The following BDP1 variants were observed in gnomAD, a reference collection of about 807,000 sequenced individuals.
BDP1 encodes transcription factor TFIIIB component B'' homolog.
A neutral mutation model predicts 266.6 loss-of-function variants in BDP1; 169 were observed. The ratio of observed to expected loss-of-function variants is 0.63; its 90% CI spans 0.56 to 0.72. The LOEUF (loss-of-function observed/expected upper bound fraction) is 0.72. BDP1 is among the 30% of genes least tolerant of loss of function. The pLI is 0.00. For synonymous variants in BDP1, 1,090 were observed against 1,022.4 expected (o/e 1.07, Z -1.26); for missense variants, 3,015 against 3,053.8 (o/e 0.99, Z 0.30).
chr5:71,482,973 CTT>C (rs1018356384), intron 7 of BDP1, among the ~76,000 whole-genome samples: 1 of 152,150 alleles, frequency 6.6e-6, no homozygotes, highest in African/African-American at 2.4e-5. Flanking sequence ...AGAATACACA[CTT>C]GGGTCATAAA....
chr5:71,516,348 G>C, intron 21 of BDP1, 77 bp downstream of exon 21: 1 of 1,075,360 alleles, frequency 9.3e-7, no homozygotes, highest in South Asian at 1.5e-5. Flanking sequence ...ACATAGCTTA[G>C]AAATACAGGC....
At chr5:71,528,033 C>A (rs1424480924) in intron 25 of BDP1, among the ~76,000 whole-genome samples, 1 of 152,092 alleles carries the variant, frequency 6.6e-6, no homozygotes, top group Non-Finnish European at 1.5e-5. Context: ...GTTGGCCAGG[C>A]TGGTCTCAAA....
intron 38 of BDP1, 65 bp downstream of exon 38, chr5:71,562,585 G>A: frequency 6.5e-7 from 1 of 1,542,198 alleles, no homozygotes; most frequent in Non-Finnish European, 8.8e-7. Flanking sequence ...TTCAACTAGG[G>A]AAAACATAGT....
At chr5:71,479,784 G>T (rs1218600869) in intron 7 of BDP1, among the ~76,000 whole-genome samples, 1 of 152,096 alleles carries the variant, frequency 6.6e-6, no homozygotes, top group Non-Finnish European at 1.5e-5. Context: ...CTGACCTCGT[G>T]ATCTGCCTGC....
intron 26 of BDP1, among the ~76,000 whole-genome samples, chr5:71,536,224 C>T (rs561360555): frequency 2.6e-5 from 4 of 151,804 alleles, no homozygotes; most frequent in Non-Finnish European, 5.9e-5. Flanking sequence ...ACATTTATAC[C>T]GAAAATCTAA....
At chr5:71,460,108 A>G (rs563261649) in intron 2 of BDP1, among the ~76,000 whole-genome samples, 39 of 152,332 alleles carry the variant, frequency 2.6e-4, no homozygotes, top group Admixed American at 2.0e-3. Context: ...GGCCTTGTGC[A>G]GTGGCTCACG....
At chr5:71,475,149 A>T (rs921206048) in intron 7 of BDP1, among the ~76,000 whole-genome samples, 2 of 152,054 alleles carry the variant, frequency 1.3e-5, no homozygotes, top group African/African-American at 4.8e-5. Flanking sequence ...CATGGGCATG[A>T]TTACGGCTCA....
At chr5:71,559,224 G>C (rs901935911) in intron 36 of BDP1, among the ~76,000 whole-genome samples, 1 of 152,190 alleles carries the variant, frequency 6.6e-6, no homozygotes, top group African/African-American at 2.4e-5. Flanking sequence ...AACTTTGACT[G>C]TGAAACTGTA....
Position 71,489,407 on chromosome 5 carries a change from A to G in BDP1, c.1217A>G (p.Lys406Arg), listed in dbSNP as rs200063982. 132 of 1,578,888 alleles carry G rather than the reference A, an allele frequency of 8.4e-5. No individual in the cohort carries two copies. The highest frequency in any genetic ancestry group is 5.1e-4 in the Middle Eastern group (3 of 5,886). The change falls in exon 10 of 39, where the codon AAA becomes AGA. Residue 406 changes from lysine (K) to arginine (R), a missense_variant. By Grantham distance (26) the Lys-to-Arg change is conservative (BLOSUM62 2). Around this residue, in one of 3 missense-constraint regions of BDP1, gnomAD observed 2,383 missense variants for 2,404.9 expected, o/e 0.99. Coordinates refer to ENST00000358731, the MANE Select transcript of BDP1 (RefSeq NM_018429.3). Reference protein sequence around the residue: ...STKPRKNVKVKKVACEGVNND... With the variant: ...STKPRKNVKVRKVACEGVNND... ...TAGTAATTTCTCTTGTTTTCAGTGA[A>G]AAAAGTTGCCTGTGAAGGAGTGAAT... is the stretch of plus-strand genomic sequence containing the variant.
At chr5:71,544,973 T>G (rs1009827209) in intron 31 of BDP1, 66 bp from the exon 32 acceptor site, 4 of 1,382,304 alleles carry the variant, frequency 2.9e-6, no homozygotes, top group Admixed American at 3.6e-5. Flanking sequence ...TTTACACACC[T>G]AGCTCTAAAA....
chr5:71,500,984 C>A (rs1764196584), intron 13 of BDP1, among the ~76,000 whole-genome samples: 1 of 151,770 alleles, frequency 6.6e-6, no homozygotes, highest in Non-Finnish European at 1.5e-5. Context: ...GTAGTCCCAG[C>A]TACTCAGGAG....
At chr5:71,482,548 G>A (rs1316650505) in intron 7 of BDP1, among the ~76,000 whole-genome samples, 1 of 152,180 alleles carries the variant, frequency 6.6e-6, no homozygotes, top group Non-Finnish European at 1.5e-5. Flanking sequence ...TGTGATCATG[G>A]AATTTGGCCT....
In BDP1 at chr5:71,511,038, A is replaced by G; in HGVS notation, c.3946A>G (p.Ile1316Val). Residue 1316 changes from isoleucine (I) to valine (V), a missense_variant, in exon 17 of 39, where the codon ATT becomes GTT. By Grantham distance (29) the Ile-to-Val change is conservative (BLOSUM62 3). Around this residue, in one of 3 missense-constraint regions of BDP1, gnomAD observed 2,383 missense variants for 2,404.9 expected, o/e 0.99. Coordinates refer to ENST00000358731, the MANE Select transcript of BDP1 (RefSeq NM_018429.3). ...AELKQTGKTD[I>V]SPRENELEET... ...ATTGAAACAAACTGGAAAAACAGAC[A>G]TTTCTCCAAGGGAAAACGAGCTAGA... is the stretch of plus-strand genomic sequence containing the variant. The G allele has an allele frequency of 6.2e-7, 1 of 1,614,164 alleles. No homozygotes were observed.
intron 26 of BDP1, among the ~76,000 whole-genome samples, chr5:71,536,203 C>T (rs1296966397): frequency 1.3e-5 from 2 of 152,036 alleles, no homozygotes; most frequent in African/African-American, 4.8e-5. Context: ...AGGATCAGTA[C>T]ACAATTCTTC....
the BDP1 span, among the ~76,000 whole-genome samples, chr5:71,574,783 C>T: frequency 6.6e-6 from 1 of 152,160 alleles, no homozygotes; most frequent in Admixed American, 6.5e-5. Flanking sequence ...CACCCTTCTC[C>T]ACGAAAGGAG....
chr5:71,571,568 A>G (rs534347188), downstream of BDP1, among the ~76,000 whole-genome samples: 128 of 152,188 alleles, frequency 8.4e-4, no homozygotes, highest in Non-Finnish European at 1.6e-3. Flanking sequence ...AGTGAGCATC[A>G]GAATCACCTT....
At chr5:71,559,044 C>G (rs557391032) in intron 36 of BDP1, among the ~76,000 whole-genome samples, 1 of 151,570 alleles carries the variant, frequency 6.6e-6, no homozygotes, top group Non-Finnish European at 1.5e-5. Context: ...ATCCCAGCTA[C>G]TCGGGAGGCT....
chr5:71,482,676 G>A (rs968194742), intron 7 of BDP1, among the ~76,000 whole-genome samples: 1 of 152,168 alleles, frequency 6.6e-6, no homozygotes, highest in Non-Finnish European at 1.5e-5. Context: ...CACTGTTTTA[G>A]AATTAAATGC....
intron 2 of BDP1, among the ~76,000 whole-genome samples, chr5:71,461,442 C>CA (rs75086006): frequency 2.7e-3 from 353 of 128,670 alleles, no homozygotes; most frequent in South Asian, 3.3e-3. Context: ...CCATCTCTAC[C>CA]AAAAAAAAAA....
Sources: allele counts gnomAD v4.1 joint callset (sites outside exome capture counted in the v4.1 genomes callset), GRCh38; gene constraint gnomAD v4.1.1; regional missense constraint gnomAD v4.1.1; transcripts MANE v1.5; gene names NCBI Gene and HGNC (gene_info 2026-07-23, HGNC 2026-07-21).